Variants in UGT8 observed in about 807,000 individuals in gnomAD.
UGT8 encodes 2-hydroxyacylsphingosine 1-beta-galactosyltransferase.
Under a neutral mutation model 40.5 loss-of-function variants are expected in UGT8, and 12 were observed. That is an observed-to-expected ratio of 0.30 (90% confidence interval 0.19 to 0.48). The LOEUF is 0.48. Among genes scored for constraint, UGT8 ranks in the 20% least tolerant of loss-of-function variants. The pLI, the probability that UGT8 is intolerant of heterozygous loss-of-function variation, is 0.99. For missense variants in UGT8, 513 were observed against 648.7 expected, an observed-to-expected ratio of 0.79 and a Z score of 2.27; for synonymous variants, 224 against 240.4, an observed-to-expected ratio of 0.93 and a Z score of 0.63.
intron 5 of UGT8, among the ~76,000 whole-genome samples, chr4:114,671,298 G>A (rs555748894): frequency 1.3e-5 from 2 of 152,074 alleles, no homozygotes; most frequent in Admixed American, 6.5e-5. Flanking sequence ...CAGAATTAGA[G>A]AATACTATTT....
At chr4:114,666,629 G>C (rs1734900673) in intron 4 of UGT8, among the ~76,000 whole-genome samples, 1 of 152,128 alleles carries the variant, frequency 6.6e-6, no homozygotes, top group African/African-American at 2.4e-5. Context: ...GTTTAAGTGA[G>C]ATAACCTGAC....
At chr4:114,615,076 A>G (rs937760969) in intron 1 of UGT8, among the ~76,000 whole-genome samples, 4 of 152,186 alleles carry the variant, frequency 2.6e-5, no homozygotes, top group Admixed American at 6.5e-5. Context: ...TTTAACAACC[A>G]AGTAGATATA....
At chr4:114,659,681 TA>T (rs1560702813) in intron 2 of UGT8, among the ~76,000 whole-genome samples, 2 of 152,204 alleles carry the variant, frequency 1.3e-5, no homozygotes, top group African/African-American at 4.8e-5. Flanking sequence ...GCTTATTCTG[TA>T]CCTTATCCAC....
chr4:114,628,293 C>A (rs1159396875), intron 2 of UGT8, among the ~76,000 whole-genome samples: 2 of 151,970 alleles, frequency 1.3e-5, no homozygotes, highest in Non-Finnish European at 2.9e-5. Flanking sequence ...GTGTATGTCA[C>A]CACGCCTAGT....
intron 2 of UGT8, among the ~76,000 whole-genome samples, chr4:114,663,011 G>A (rs887754590): frequency 6.6e-6 from 1 of 151,082 alleles, no homozygotes; most frequent in African/African-American, 2.4e-5. Context: ...TTTTAGCAGA[G>A]ACGGGGTTTC....
At chr4:114,665,815 A>G in intron 4 of UGT8, 59 bp downstream of exon 4, 1 of 1,361,972 alleles carries the variant, frequency 7.3e-7, no homozygotes, top group South Asian at 1.4e-5. Flanking sequence ...CATAAATGTG[A>G]CTTTTTTTTT....
intron 2 of UGT8, among the ~76,000 whole-genome samples, chr4:114,633,410 G>A (rs1023985840): frequency 6.6e-6 from 1 of 151,730 alleles, no homozygotes; most frequent in Non-Finnish European, 1.5e-5. Flanking sequence ...GCTGATGGAA[G>A]GAGAGTATTC....
intron 4 of UGT8, 25 bp downstream of exon 4, chr4:114,665,781 T>C: frequency 6.4e-7 from 1 of 1,573,088 alleles, no homozygotes; most frequent in Non-Finnish European, 8.6e-7. Context: ...TGTGGTTACT[T>C]ACTTGGCTGT....
chr4:114,658,639 C>G (rs917237299), intron 2 of UGT8, among the ~76,000 whole-genome samples: 1 of 152,104 alleles, frequency 6.6e-6, no homozygotes, highest in Non-Finnish European at 1.5e-5. Flanking sequence ...GTTTCTGAAG[C>G]TCATTTTTTA....
chr4:114,667,657 A>C (rs1054357523), intron 4 of UGT8: 1 of 157,752 alleles, frequency 6.3e-6, no homozygotes, highest in African/African-American at 2.4e-5. Flanking sequence ...TCTGGAATCC[A>C]GCCCTTTTTT....
At chr4:114,611,444 A>ATATG (rs1560667932) in intron 1 of UGT8, among the ~76,000 whole-genome samples, 2 of 93,280 alleles carry the variant, frequency 2.1e-5, no homozygotes, top group Admixed American at 1.2e-4. Context: ...ATATATATAT[A>ATATG]TACACACACA....
intron 2 of UGT8, among the ~76,000 whole-genome samples, chr4:114,638,515 T>C (rs771382013): frequency 2.0e-4 from 31 of 152,206 alleles, no homozygotes; most frequent in South Asian, 4.1e-4. Flanking sequence ...GGAGCATTCA[T>C]CTGTCCTCCC....
chr4:114,604,931 G>A (rs1215612119), intron 1 of UGT8, among the ~76,000 whole-genome samples: 1 of 151,220 alleles, frequency 6.6e-6, no homozygotes, highest in African/African-American at 2.4e-5. Context: ...TTCCCACTGT[G>A]CTTAGTCCTT....
At chr4:114,599,466 C>T (rs1315924137) in intron 1 of UGT8, among the ~76,000 whole-genome samples, 2 of 152,152 alleles carry the variant, frequency 1.3e-5, no homozygotes, top group Non-Finnish European at 2.9e-5. Context: ...ACTCCGTCTT[C>T]CCCCTAAGGA....
chr4:114,621,934 A>T (rs1252810223), intron 1 of UGT8, among the ~76,000 whole-genome samples: 1 of 151,974 alleles, frequency 6.6e-6, no homozygotes, highest in East Asian at 1.9e-4. Flanking sequence ...ATGTTAGTGT[A>T]TAATACTATA....
chr4:114,656,081 C>T (rs1330603510), intron 2 of UGT8, among the ~76,000 whole-genome samples: 1 of 152,008 alleles, frequency 6.6e-6, no homozygotes, highest in African/African-American at 2.4e-5. Flanking sequence ...TTAGGTGGTA[C>T]GTGATTTTGA....
At chr4:114,604,842 C>A (rs1431353095) in intron 1 of UGT8, among the ~76,000 whole-genome samples, 1 of 151,598 alleles carries the variant, frequency 6.6e-6, no homozygotes, top group Non-Finnish European at 1.5e-5. Context: ...TAATCATATT[C>A]TTTACCTGAA....
chr4:114,630,639 A>T (rs80082029), intron 2 of UGT8, among the ~76,000 whole-genome samples: 8 of 144,922 alleles, frequency 5.5e-5, no homozygotes, highest in East Asian at 2.0e-4. Context: ...CATCTTGGGG[A>T]TTTTTTTTTT....
At chr4:114,617,782 G>T (rs573908623) in intron 1 of UGT8, among the ~76,000 whole-genome samples, 1 of 152,352 alleles carries the variant, frequency 6.6e-6, no homozygotes, top group East Asian at 1.9e-4. Context: ...TTCAAAGGCT[G>T]ACAGTAAACA....
Sources: allele counts gnomAD v4.1 joint callset (sites outside exome capture counted in the v4.1 genomes callset), GRCh38; gene constraint gnomAD v4.1.1; transcripts MANE v1.5; gene names NCBI Gene and HGNC (gene_info 2026-07-23, HGNC 2026-07-21).